Variants in EPAS1 observed in about 807,000 individuals in gnomAD.
EPAS1 encodes endothelial PAS domain-containing protein 1.
Under a neutral mutation model 87.9 loss-of-function variants are expected in EPAS1, and 23 were observed. The observed-to-expected ratio is 0.26, with a 90% confidence interval of 0.19 to 0.37. The LOEUF (loss-of-function observed/expected upper bound fraction) is 0.37. Ranked by LOEUF, EPAS1 falls within the 10% of genes least tolerant of loss-of-function variation. The pLI is 1.00. For synonymous variants in EPAS1, 508 were observed against 444.3 expected (o/e 1.14, Z -1.80); for missense variants, 1,138 against 1,120.7 (o/e 1.02, Z -0.22).
chr2:46,383,167 C>A (rs1240740213), intron 15 of EPAS1, among the ~76,000 whole-genome samples: 1 of 152,208 alleles, frequency 6.6e-6, no homozygotes, highest in Non-Finnish European at 1.5e-5. Flanking sequence ...GCTCTTTCCA[C>A]CCTGAGAATC....
chr2:46,326,742 G>T (rs921393075), intron 1 of EPAS1, among the ~76,000 whole-genome samples: 1 of 152,200 alleles, frequency 6.6e-6, no homozygotes, highest in Non-Finnish European at 1.5e-5. Context: ...ATATAGTCTA[G>T]TGGGGGCCAG....
intron 1 of EPAS1, among the ~76,000 whole-genome samples, chr2:46,299,113 G>C (rs1242569242): frequency 6.6e-6 from 1 of 152,264 alleles, no homozygotes; most frequent in Non-Finnish European, 1.5e-5. Flanking sequence ...GACTGGCCGG[G>C]AGGGCTCACT....
Position 46,356,141 on chromosome 2 carries a change from C to T in EPAS1, c.218-10C>T, listed in dbSNP as rs55792993. 2.2e-6 allele frequency: 3 copies of T among 1,381,552 alleles called. No individual in the cohort carries two copies. Among genetic ancestry groups the T allele is most frequent in the Non-Finnish European group, 3.1e-6 (3 of 976,712 alleles). The allele number at this position is 1,381,552 out of a possible 1,614,324, so 85.6% of individuals were successfully genotyped here. A position where few individuals can be genotyped will look rare whatever the true frequency, so the allele number is the denominator to read the frequency against. The stretch of plus-strand genomic sequence containing the variant: ...TTCATGCAAGCTGTCCCACCCCCCC[C>T]CCTTTCCAGTTTGCTCTGAAAACGA... On this transcript the variant is annotated splice_polypyrimidine_tract_variant and intron_variant, in intron 2 of 15. Coordinates refer to ENST00000263734, the MANE Select transcript of EPAS1 (RefSeq NM_001430.5).
Position 46,380,399 on chromosome 2 carries a change from C to T in EPAS1, c.1727C>T (p.Pro576Leu), listed in dbSNP as rs770796205. Reference sequence around the variant, plus strand: ...ACAAACATCTTCCAGCCACTGGCCCCTGTAGCCCCGCACAGTCCCTTCCTC... The same window carrying T: ...ACAAACATCTTCCAGCCACTGGCCCTTGTAGCCCCGCACAGTCCCTTCCTC... ...AMTNIFQPLA[P>L]VAPHSPFLLD... Residue 576 changes from proline (P) to leucine (L), a missense_variant, in exon 12 of 16, where the codon CCT (proline) becomes CTT (leucine). Pro to Leu is a moderately conservative substitution (Grantham distance 98). Around this residue, in one of 4 missense-constraint regions of EPAS1, gnomAD observed 502 missense variants for 427.1 expected, o/e 1.18. Transcript: ENST00000263734. This position sits in a 1 kb window ranked among gnomAD's most constrained non-coding sequence, Gnocchi z 4.4. 13 of 1,614,218 alleles carry T rather than the reference C, an allele frequency of 8.1e-6. No individual in the cohort carries two copies. In the Admixed American group the frequency reaches 2.0e-4, roughly 25 times the overall value.
At chr2:46,381,120 T>C (rs1684880334) in intron 12 of EPAS1, 1 of 351,310 alleles carries the variant, frequency 2.8e-6, no homozygotes. Flanking sequence ...TCCTCGCCAC[T>C]GCAGCCTCTC....
At chr2:46,308,466 G>GGT (rs1683150959) in intron 1 of EPAS1, among the ~76,000 whole-genome samples, 2 of 142,120 alleles carry the variant, frequency 1.4e-5, no homozygotes, top group Non-Finnish European at 3.1e-5. Flanking sequence ...TTTTTGGGGG[G>GGT]GGGGGCTCTG....
At chr2:46,365,736 T>C (rs902883922) in intron 6 of EPAS1, among the ~76,000 whole-genome samples, 1 of 152,198 alleles carries the variant, frequency 6.6e-6, no homozygotes, top group Non-Finnish European at 1.5e-5. Context: ...GATGAAAATA[T>C]ATTAAAACCA....
chr2:46,299,210 C>T (rs1199058542), intron 1 of EPAS1, among the ~76,000 whole-genome samples: 2 of 152,250 alleles, frequency 1.3e-5, no homozygotes, highest in East Asian at 1.9e-4. Flanking sequence ...CAGCGGTTCC[C>T]ACCTCGGGGC....
intron 4 of EPAS1, among the ~76,000 whole-genome samples, chr2:46,358,803 TA>T (rs1004950898): frequency 6.6e-6 from 1 of 152,156 alleles, no homozygotes; most frequent in African/African-American, 2.4e-5. Context: ...GATCTAGACC[TA>T]AAGGGTTAGT....
intron 1 of EPAS1, among the ~76,000 whole-genome samples, chr2:46,343,537 C>T (rs1290467544): frequency 6.6e-5 from 10 of 152,212 alleles, no homozygotes; most frequent in Non-Finnish European, 1.3e-4. Flanking sequence ...TCCACATCCT[C>T]ATCTATTAAA....
chr2:46,374,003 G>A (rs894393345), intron 7 of EPAS1, among the ~76,000 whole-genome samples: 17 of 152,238 alleles, frequency 1.1e-4, no homozygotes, highest in South Asian at 2.1e-4. Context: ...CTTAGTGAGC[G>A]CCCTATGTGC....
chr2:46,362,035 G>C (rs770649162), intron 6 of EPAS1, among the ~76,000 whole-genome samples: 4 of 152,188 alleles, frequency 2.6e-5, no homozygotes, highest in Non-Finnish European at 5.9e-5. Flanking sequence ...GGCCTGGCTT[G>C]AGTAAGCGCC....
rs1684919422 is a variant in EPAS1 at position 46,382,411 on chromosome 2, C to T, written c.2288-14C>T. 6.2e-7 allele frequency: 1 copy of T among 1,614,010 alleles called. No individual in the cohort carries two copies. The highest frequency in any genetic ancestry group is 1.3e-5 in the African/African-American group (1 of 74,950). ...GGCCAATGCTACCGTCACTCTCTGA[C>T]TTTGGTCTTTCAGATAAGTTCACCC... is the stretch of plus-strand genomic sequence containing the variant. On this transcript the variant is annotated splice_polypyrimidine_tract_variant and intron_variant, in intron 14 of 15. Transcript: ENST00000263734.
intron 9 of EPAS1, among the ~76,000 whole-genome samples, chr2:46,377,083 G>A (rs1017604738): frequency 8.5e-5 from 13 of 152,156 alleles, no homozygotes; most frequent in Admixed American, 2.6e-4. Context: ...GATCTGCTCC[G>A]AGGCCACTTG....
rs564115153 is a variant in EPAS1, at chr2:46,360,782, G to A, written c.573+26G>A. The A allele has an allele frequency of 2.5e-6, 4 of 1,612,596 alleles. No homozygotes were observed. Among genetic ancestry groups the A allele is most frequent in the East Asian group, 2.2e-5 (1 of 44,888 alleles). On this transcript the variant is annotated intron_variant, in intron 5 of 15. Coordinates refer to ENST00000263734, the MANE Select transcript of EPAS1 (RefSeq NM_001430.5). This position sits in a 1 kb window ranked among gnomAD's most constrained non-coding sequence, Gnocchi z 4.5. ...GTAGGGCAACATCAGGCCTGGGTTG[G>A]AGTCCCAGGTGTAGGGTAACGGCGG...
At chr2:46,329,931 T>A (rs1244394280) in intron 1 of EPAS1, among the ~76,000 whole-genome samples, 1 of 152,174 alleles carries the variant, frequency 6.6e-6, no homozygotes, top group Non-Finnish European at 1.5e-5. Context: ...ACATTTTAAA[T>A]TCCCCAACTA....
rs1210130876 is a variant in EPAS1 at position 46,360,275 on chromosome 2, C to T, written c.455-363C>T. 2.0e-5 allele frequency among the ~76,000 whole-genome samples: 3 copies of T among 152,154 alleles called. No homozygotes were observed. The highest frequency in any genetic ancestry group is 6.5e-5 in the Admixed American group (1 of 15,288). On this transcript the variant is annotated intron_variant, in intron 4 of 15. Coordinates refer to ENST00000263734, the MANE Select transcript of EPAS1 (RefSeq NM_001430.5). This position sits in a 1 kb window ranked among gnomAD's most constrained non-coding sequence, Gnocchi z 4.5. Reference sequence around the variant, plus strand: ...CTCAGACTGTCCCTTGGAATTTCTGCGAGAAGACCTGGGCCTGCCCCAGGA... The same window carrying T: ...CTCAGACTGTCCCTTGGAATTTCTGTGAGAAGACCTGGGCCTGCCCCAGGA...
intron 4 of EPAS1, 93 bp downstream of exon 4, chr2:46,356,901 C>T: frequency 2.2e-6 from 2 of 909,268 alleles, no homozygotes; most frequent in South Asian, 1.4e-5. Context: ...AGCTCATGGC[C>T]CTTGTGATGC....
intron 1 of EPAS1, among the ~76,000 whole-genome samples, chr2:46,314,545 C>T (rs1275149074): frequency 2.0e-5 from 3 of 152,240 alleles, no homozygotes; most frequent in Admixed American, 2.0e-4. Flanking sequence ...TGGATGATCT[C>T]TCTGGGCCTC....
Sources: gnomAD v4.1 joint callset for allele counts (sites outside exome capture counted in the v4.1 genomes callset) on GRCh38, gnomAD v4.1.1 for gene constraint, gnomAD v4.1.1 regional missense constraint, Gnocchi (gnomAD v3.1) non-coding constraint, MANE v1.5 for transcripts, NCBI Gene and HGNC (gene_info 2026-07-23, HGNC 2026-07-21) for gene names.